The following UNC5D variants were observed in gnomAD, a reference collection of about 807,000 sequenced individuals.
UNC5D encodes unc-5 netrin receptor D, also known as netrin receptor UNC5D.
UNC5D carries 39 observed loss-of-function variants against 105.4 expected under a neutral mutation model. The ratio of observed to expected loss-of-function variants is 0.37; its 90% CI spans 0.29 to 0.48. The LOEUF is 0.48. Among genes scored for constraint, UNC5D ranks in the 20% least tolerant of loss-of-function variants. The pLI, the probability that UNC5D is intolerant of heterozygous loss-of-function variation, is 0.98. For synonymous variants in UNC5D, 452 were observed against 450.4 expected, an observed-to-expected ratio of 1.00 and a Z score of -0.04; for missense variants, 991 against 1,202.4, an observed-to-expected ratio of 0.82 and a Z score of 2.60.
intron 4 of UNC5D, 24 bp from the exon 5 acceptor site, chr8:35,683,523 G>A (rs771650657): frequency 3.2e-6 from 5 of 1,551,736 alleles, no homozygotes; most frequent in South Asian, 2.5e-5. Context: ...TTAGTGACTT[G>A]TAAACATTCC....
chr8:35,530,785 G>A (rs1467609514), intron 1 of UNC5D, among the ~76,000 whole-genome samples: 2 of 143,292 alleles, frequency 1.4e-5, no homozygotes, highest in East Asian at 2.0e-4. Flanking sequence ...GAGAGTGTAT[G>A]TGTCAAGGAA....
chr8:35,540,927 GC>G (rs561930734), intron 1 of UNC5D, among the ~76,000 whole-genome samples: 4 of 152,110 alleles, frequency 2.6e-5, no homozygotes, highest in Non-Finnish European at 5.9e-5. Context: ...AGAATGCACA[GC>G]TGAACTGGTC....
At chr8:35,599,142 C>CAAAA (rs34511041) in intron 4 of UNC5D, among the ~76,000 whole-genome samples, 2 of 38,642 alleles carry the variant, frequency 5.2e-5, no homozygotes, top group Non-Finnish European at 9.6e-5. Flanking sequence ...GACTCTGTCT[C>CAAAA]AAAAAAAAAA....
intron 4 of UNC5D, among the ~76,000 whole-genome samples, chr8:35,669,463 C>T (rs796647351): frequency 1.1e-4 from 17 of 152,130 alleles, no homozygotes; most frequent in African/African-American, 2.4e-4. Flanking sequence ...TTTTGATGCC[C>T]GTCTCCTTAA....
chr8:35,595,662 G>C lies in UNC5D; in HGVS notation c.570+5G>C. ...GAGGGAGTCCCTGCTGCCGAGGTAA[G>C]ACAGGATCCTGGGACCAGTCACCGG... On this transcript the variant is annotated splice_donor_5th_base_variant and intron_variant, in intron 4 of 16. Transcript: ENST00000404895. 6.2e-7 allele frequency: 1 copy of C among 1,613,784 alleles called. No individual in the cohort carries two copies. Among genetic ancestry groups the C allele is most frequent in the Non-Finnish European group, 8.5e-7 (1 of 1,179,794 alleles).
chr8:35,660,932 AAT>A (rs940551476), intron 4 of UNC5D, among the ~76,000 whole-genome samples: 1 of 151,994 alleles, frequency 6.6e-6, no homozygotes, highest in African/African-American at 2.4e-5. Flanking sequence ...TCTCTACAAA[AAT>A]ATTTATTTAA....
intron 1 of UNC5D, among the ~76,000 whole-genome samples, chr8:35,382,167 TGAG>T (rs1803085385): frequency 6.6e-6 from 1 of 152,174 alleles, no homozygotes; most frequent in Non-Finnish European, 1.5e-5. Context: ...GGAATAACCT[TGAG>T]GAGTTCACAG....
intron 3 of UNC5D, among the ~76,000 whole-genome samples, chr8:35,587,257 A>T (rs550546797): frequency 2.0e-5 from 3 of 152,012 alleles, no homozygotes; most frequent in Admixed American, 2.0e-4. Flanking sequence ...CTCCAAATTG[A>T]TCTGTGCTGA....
At chr8:35,322,609 G>A (rs758650289) in intron 1 of UNC5D, among the ~76,000 whole-genome samples, 1 of 152,178 alleles carries the variant, frequency 6.6e-6, no homozygotes, top group African/African-American at 2.4e-5. Context: ...GTCTTCTCAA[G>A]AGGATTTAAT....
At position 35,248,416 on chromosome 8, in the gene UNC5D, A is replaced by G. The variant is rs183624156; in HGVS notation, c.103+12529A>G. Among the ~76,000 whole-genome samples, 224 of 51,168 alleles carry G rather than the reference A, an allele frequency of 4.4e-3. 61 individuals carry two copies. The highest frequency in any genetic ancestry group is 6.8e-3 in the Non-Finnish European group (180 of 26,414). 33.6% of individuals were successfully genotyped at this position (51,168 alleles called of 152,430 possible). A position where few individuals can be genotyped will look rare whatever the true frequency, so the allele number is the denominator to read the frequency against. ...TATATGAAATAGATATAATATATAA[A>G]TATATGTTATATATGAAATAGATAT... On this transcript the variant is annotated intron_variant, in intron 1 of 16. Coordinates refer to ENST00000404895, the MANE Select transcript of UNC5D (RefSeq NM_080872.4).
chr8:35,684,542 T>TGATTGC, intron 5 of UNC5D, 40 bp from the exon 6 acceptor site: 1 of 1,597,616 alleles, frequency 6.3e-7, no homozygotes. Context: ...AGTAAAAACC[T>TGATTGC]CTCTCCTTTT....
chr8:35,507,342 A>G (rs1812394255), intron 1 of UNC5D, among the ~76,000 whole-genome samples: 1 of 152,034 alleles, frequency 6.6e-6, no homozygotes, highest in Non-Finnish European at 1.5e-5. Context: ...GGCGTGAGCC[A>G]CCGCGCCGGC....
intron 7 of UNC5D, among the ~76,000 whole-genome samples, chr8:35,700,589 T>C (rs1282464292): frequency 6.6e-6 from 1 of 152,108 alleles, no homozygotes; most frequent in Non-Finnish European, 1.5e-5. Context: ...ATCTGTGCCA[T>C]GGAGTCAGGA....
At chr8:35,474,749 T>A (rs1809967667) in intron 1 of UNC5D, among the ~76,000 whole-genome samples, 1 of 152,152 alleles carries the variant, frequency 6.6e-6, no homozygotes, top group Admixed American at 6.5e-5. Flanking sequence ...AAATAACCTC[T>A]CATTGCATGA....
chr8:35,431,902 A>G (rs1806667589), intron 1 of UNC5D, among the ~76,000 whole-genome samples: 2 of 152,212 alleles, frequency 1.3e-5, no homozygotes, highest in Non-Finnish European at 2.9e-5. Context: ...ATAAAGCAGA[A>G]TGAGCCATTT....
chr8:35,252,019 C>CTTTTTTT (rs1177014089), intron 1 of UNC5D, among the ~76,000 whole-genome samples: 14 of 117,268 alleles, frequency 1.2e-4, no homozygotes, highest in South Asian at 2.9e-4. Flanking sequence ...ACCAATGGTT[C>CTTTTTTT]TTTTTTTTTT....
chr8:35,766,510 A>G (rs752135957), intron 14 of UNC5D, among the ~76,000 whole-genome samples: 1 of 152,198 alleles, frequency 6.6e-6, no homozygotes, highest in Non-Finnish European at 1.5e-5. Flanking sequence ...AAAAGATAAC[A>G]TCCTACCCCA....
At chr8:35,297,930 GA>G (rs1292247785) in intron 1 of UNC5D, among the ~76,000 whole-genome samples, 1 of 152,136 alleles carries the variant, frequency 6.6e-6, no homozygotes, top group Non-Finnish European at 1.5e-5. Flanking sequence ...TTGGTGTCTA[GA>G]ACAGAGAACA....
intron 1 of UNC5D, among the ~76,000 whole-genome samples, chr8:35,386,696 A>G (rs1307006996): frequency 6.6e-6 from 1 of 152,138 alleles, no homozygotes; most frequent in African/African-American, 2.4e-5. Flanking sequence ...GGCATTGAAG[A>G]GCATCTTGAG....
Sources: allele counts gnomAD v4.1 joint callset (sites outside exome capture counted in the v4.1 genomes callset), GRCh38; gene constraint gnomAD v4.1.1; transcripts MANE v1.5; gene names NCBI Gene and HGNC (gene_info 2026-07-23, HGNC 2026-07-21).